The following DENND2B variants were observed in gnomAD, a reference collection of about 807,000 sequenced individuals.
DENND2B encodes DENN domain-containing protein 2B.
In DENND2B, 32 loss-of-function variants were observed where a neutral mutation model predicts 116.0. The ratio of observed to expected loss-of-function variants is 0.28; its 90% CI spans 0.21 to 0.37. The LOEUF (loss-of-function observed/expected upper bound fraction) is 0.37. DENND2B is among the 10% of genes least tolerant of loss of function. The pLI is 1.00. For missense variants in DENND2B, 1,276 were observed against 1,477.7 expected (o/e 0.86, Z 2.24); for synonymous variants, 588 against 583.9 (o/e 1.01, Z -0.10).
chr11:8,764,944 A>C (rs912332059), intron 1 of DENND2B, among the ~76,000 whole-genome samples: 35 of 30,188 alleles, frequency 1.2e-3, no homozygotes, highest in Middle Eastern at 0.012. Context: ...GACTGTCTCA[A>C]AAAAAAAAAA....
chr11:8,819,343 G>C (rs550693149), intron 4 of DENND2B, among the ~76,000 whole-genome samples: 1 of 152,176 alleles, frequency 6.6e-6, no homozygotes, highest in African/African-American at 2.4e-5. Flanking sequence ...GCTGCAGTGG[G>C]CCATGATCAT....
Position 8,824,123 on chromosome 11 carries a change from C to T in DENND2B, c.-114-12788G>A, listed in dbSNP as rs541987663. Among the ~76,000 whole-genome samples, 1,022 of 150,692 alleles carry T rather than the reference C, an allele frequency of 6.8e-3. 6 individuals carry two copies. Among genetic ancestry groups the T allele is most frequent in the Admixed American group, 8.9e-3 (135 of 15,186 alleles). On this transcript the variant is annotated intron_variant, in intron 4 of 6. Coordinates refer to the DENND2B transcript ENST00000524757. ...TTCACCGTGTTAGCCAGGATGGTCT[C>T]GATCTCCTGACCTTGTGATCTGCCC...
chr11:8,869,238 AG>A (rs1051649557), intron 2 of DENND2B, among the ~76,000 whole-genome samples: 4 of 152,242 alleles, frequency 2.6e-5, no homozygotes, highest in African/African-American at 9.6e-5. Flanking sequence ...AATACTTTTA[AG>A]GTAAGAGTTG....
At chr11:8,862,325 T>C (rs1242443736) in intron 2 of DENND2B, among the ~76,000 whole-genome samples, 5 of 24,910 alleles carry the variant, frequency 2.0e-4, no homozygotes, top group Non-Finnish European at 3.5e-4. Flanking sequence ...TTTCACTCTT[T>C]TTTTTTTTTT....
chr11:8,906,979 T>G (rs2064246572), intron 1 of DENND2B, among the ~76,000 whole-genome samples: 1 of 152,206 alleles, frequency 6.6e-6, no homozygotes, highest in Admixed American at 6.5e-5. Context: ...CCTGGGTTTT[T>G]AACCCTTTTT....
chr11:8,849,304 C>T (rs2062921219), intron 3 of DENND2B, among the ~76,000 whole-genome samples: 1 of 151,438 alleles, frequency 6.6e-6, no homozygotes. Flanking sequence ...ACCAGCCTGA[C>T]CAACGTGGTG....
chr11:8,758,705 G>A (rs891571845), intron 1 of DENND2B, among the ~76,000 whole-genome samples: 2 of 152,082 alleles, frequency 1.3e-5, no homozygotes, highest in African/African-American at 4.8e-5. Context: ...GACAACAGTG[G>A]GCCAGAGCTG....
intron 1 of DENND2B, among the ~76,000 whole-genome samples, chr11:8,763,559 A>C (rs1565886451): frequency 6.6e-6 from 1 of 151,532 alleles, no homozygotes; most frequent in Non-Finnish European, 1.5e-5. Context: ...AATGAGAATG[A>C]ACATCTGCAG....
intron 1 of DENND2B, among the ~76,000 whole-genome samples, chr11:8,769,595 G>A (rs16905791): frequency 0.018 from 2,675 of 152,052 alleles, 69 homozygotes; most frequent in African/African-American, 0.06. Context: ...TAAGCGTCTC[G>A]TCTTAGAAAA....
At chr11:8,870,646 G>T (rs558702840) in intron 2 of DENND2B, among the ~76,000 whole-genome samples, 44 of 151,828 alleles carry the variant, frequency 2.9e-4, no homozygotes, top group African/African-American at 1.0e-3. Context: ...AGGACGTCCC[G>T]AGATCGGGTC....
At chr11:8,877,818 T>G (rs1422917124) in intron 2 of DENND2B, among the ~76,000 whole-genome samples, 1 of 152,228 alleles carries the variant, frequency 6.6e-6, no homozygotes, top group African/African-American at 2.4e-5. Flanking sequence ...ATTTGTTTAT[T>G]CATTCAATAA....
At chr11:8,870,495 TG>T (rs2063740207) in intron 2 of DENND2B, among the ~76,000 whole-genome samples, 1 of 146,118 alleles carries the variant, frequency 6.8e-6, no homozygotes, top group Admixed American at 7.0e-5. Flanking sequence ...TGTCTGTGTG[TG>T]TTGTGCGTGT....
intron 3 of DENND2B, among the ~76,000 whole-genome samples, chr11:8,850,304 T>C (rs904241384): frequency 1.3e-5 from 2 of 152,164 alleles, no homozygotes; most frequent in African/African-American, 4.8e-5. Flanking sequence ...AACTGCTTGA[T>C]CTGATAAGGG....
intron 1 of DENND2B, among the ~76,000 whole-genome samples, chr11:8,802,979 G>A (rs2060487325): frequency 6.6e-6 from 1 of 152,146 alleles, no homozygotes; most frequent in African/African-American, 2.4e-5. Context: ...TATTTTTTAA[G>A]CACCAACTAT....
rs767544037 is a variant in DENND2B at position 8,730,848 on chromosome 11, G to A, written c.442C>T (p.Arg148Trp). 17 of 1,613,296 alleles carry A rather than the reference G, an allele frequency of 1.1e-5. No homozygotes were observed. The highest frequency in any genetic ancestry group is 3.3e-5 in the South Asian group (3 of 91,074). ...TPFPGPAAGP[R>W]GVLLTRTGTR... Reference sequence around the variant, plus strand: ...CCGGTACGGGTCAGCAAGACGCCCCGGGGGCCAGCTGCTGGCCCCGGGAAT... The same window carrying A: ...CCGGTACGGGTCAGCAAGACGCCCCAGGGGCCAGCTGCTGGCCCCGGGAAT... The change falls in exon 3 of 20, where the codon CGG becomes TGG. Residue 148 changes from arginine (R) to tryptophan (W), a missense_variant. Arg to Trp is a moderately radical substitution (Grantham distance 101). Around this residue, in one of 2 missense-constraint regions of DENND2B, gnomAD observed 856 missense variants for 846.6 expected, o/e 1.01. Coordinates refer to ENST00000313726, the MANE Select transcript of DENND2B (RefSeq NM_213618.2). This position sits in a 1 kb window ranked among gnomAD's most constrained non-coding sequence, Gnocchi z 4.1.
At chr11:8,808,633 A>C (rs534321208) in intron 1 of DENND2B, 6 of 152,232 alleles carry the variant, frequency 3.9e-5, no homozygotes, top group Non-Finnish European at 7.3e-5. Flanking sequence ...AGAGAGGCAA[A>C]GTGACTTTCC....
At chr11:8,813,729 C>T (rs1329970353), upstream of DENND2B, among the ~76,000 whole-genome samples, 1 of 152,138 alleles carries the variant, frequency 6.6e-6, no homozygotes, top group Non-Finnish European at 1.5e-5. Flanking sequence ...TTAAGAAGCC[C>T]TCCAAACCAG....
chr11:8,867,739 T>A (rs2063635134), intron 2 of DENND2B, among the ~76,000 whole-genome samples: 1 of 151,904 alleles, frequency 6.6e-6, no homozygotes, highest in Admixed American at 6.6e-5. Flanking sequence ...CATGCCAACA[T>A]GCATGATTAA....
chr11:8,832,411 C>T (rs937978131), intron 4 of DENND2B, among the ~76,000 whole-genome samples: 9 of 147,740 alleles, frequency 6.1e-5, no homozygotes, highest in Admixed American at 1.4e-4. Flanking sequence ...GAGATTGTGC[C>T]ATTGCACTCC....
Sources: allele counts gnomAD v4.1 joint callset (sites outside exome capture counted in the v4.1 genomes callset), GRCh38; gene constraint gnomAD v4.1.1; regional missense constraint gnomAD v4.1.1; non-coding constraint Gnocchi (gnomAD v3.1); transcripts MANE v1.5; gene names NCBI Gene and HGNC (gene_info 2026-07-23, HGNC 2026-07-21).